Variants in MMRN2 observed in about 807,000 individuals in gnomAD.
MMRN2 encodes the protein multimerin-2.
A neutral mutation model predicts 68.8 loss-of-function variants in MMRN2; 53 were observed. The ratio of observed to expected loss-of-function variants is 0.77; its 90% CI spans 0.62 to 0.97. The LOEUF (loss-of-function observed/expected upper bound fraction) is 0.97. Among genes scored for constraint, MMRN2 ranks in the 50% least tolerant of loss-of-function variants. The probability of loss-of-function intolerance (pLI) is 0.00; values close to 1 mark genes in which losing one functional copy is unlikely to be tolerated. For missense variants in MMRN2, 1,266 were observed against 1,259.5 expected (o/e 1.01, Z -0.08); for synonymous variants, 564 against 551.6 (o/e 1.02, Z -0.32).
chr10:86,947,398 C>T (rs930425831), intron 1 of MMRN2, among the ~76,000 whole-genome samples: 8 of 151,606 alleles, frequency 5.3e-5, no homozygotes, highest in Non-Finnish European at 1.2e-4. Flanking sequence ...GACGGAGTCT[C>T]GCACTGTCGC....
intron 1 of MMRN2, among the ~76,000 whole-genome samples, chr10:86,951,297 G>A (rs933461131): frequency 1.1e-4 from 17 of 152,162 alleles, no homozygotes; most frequent in Admixed American, 1.1e-3. Flanking sequence ...TTTTTCTAAG[G>A]GTACAGGTAG....
In MMRN2 at chr10:86,944,007, T is replaced by A. The variant is rs940004157; in HGVS notation, c.777A>T (p.Ile259=). ...NQSLHSLTQA[I]RNLSLDVEAN... ...CCTCCACGTCAAGAGACAGGTTTCTTATGGCCTGGGTAAGGCTGTGCAGGC... is the reference window on the plus strand; with the variant it reads ...CCTCCACGTCAAGAGACAGGTTTCTAATGGCCTGGGTAAGGCTGTGCAGGC... Residue 259 remains isoleucine (I), a synonymous_variant, in exon 6 of 7, where the codon ATA becomes ATT. Coordinates refer to ENST00000372027, the MANE Select transcript of MMRN2 (RefSeq NM_024756.3). 6.2e-7 allele frequency: 1 copy of A among 1,614,102 alleles called. No homozygotes were observed. The highest frequency in any genetic ancestry group is 8.5e-7 in the Non-Finnish European group (1 of 1,180,028).
intron 1 of MMRN2, among the ~76,000 whole-genome samples, chr10:86,946,498 TG>T (rs34311165): frequency 1.2e-4 from 19 of 152,180 alleles, no homozygotes; most frequent in Admixed American, 3.9e-4. Flanking sequence ...GCAAGGTGGT[TG>T]GGGGTCACAC....
chr10:86,944,244 C>A lies in MMRN2; in HGVS notation c.655+18G>T. ...ATGTGACCAGGCTCTTCCTCAGCCC[C>A]TAGAGCCTGCCACTCACCGTGCCCT... On this transcript the variant is annotated intron_variant, in intron 5 of 6. Coordinates refer to ENST00000372027, the MANE Select transcript of MMRN2 (RefSeq NM_024756.3). 2 of 1,600,284 alleles carry A rather than the reference C, an allele frequency of 1.2e-6. No homozygotes were observed. The highest frequency in any genetic ancestry group is 2.2e-5 in the South Asian group (2 of 89,944).
intron 1 of MMRN2, among the ~76,000 whole-genome samples, chr10:86,953,169 C>T (rs376190245): frequency 1.8e-4 from 27 of 152,088 alleles, no homozygotes; most frequent in Non-Finnish European, 2.5e-4. Flanking sequence ...TTAAAACACA[C>T]GTTTTACAAT....
chr10:86,946,689 C>A (rs931866308), intron 1 of MMRN2, among the ~76,000 whole-genome samples: 3 of 152,170 alleles, frequency 2.0e-5, no homozygotes, highest in Admixed American at 6.5e-5. Context: ...GCAGCCAGCT[C>A]CCAGAACAGA....
rs566558751 is a variant in MMRN2 at position 86,952,708 on chromosome 10, G to A, written c.164+4670C>T. Among the ~76,000 whole-genome samples the A allele has an allele frequency of 2.0e-4, 30 of 152,312 alleles. No individual in the cohort carries two copies. In the East Asian group the frequency reaches 2.9e-3, roughly 15 times the overall value. ...GGGCAAGGACAAAATCAAAAACTCC[G>A]ATAAGGGTCTACGTTCAGTGGTTCC... is the stretch of plus-strand genomic sequence containing the variant. On this transcript the variant is annotated intron_variant, in intron 1 of 6. Transcript: ENST00000372027.
chr10:86,939,461 CAAAAAAAAAAAAAAAAAAA>C lies in MMRN2; in HGVS notation c.2468-2355_2468-2337del, dbSNP rs34692290. On this transcript the variant is annotated intron_variant, in intron 6 of 6. Coordinates refer to ENST00000372027, the MANE Select transcript of MMRN2 (RefSeq NM_024756.3). ...TGAGCGAAAGGGCGAGACTCCGTCT[CAAAAAAAAAAAAAAAAAAA>C]AAAAAAAAAAAAAGATTGTGCCCAA... Among the ~76,000 whole-genome samples the C allele has an allele frequency of 1.5e-4, 11 of 74,586 alleles. 1 individual carries two copies. The highest frequency in any genetic ancestry group is 5.7e-4 in the African/African-American group (10 of 17,554). The allele number at this position is 74,586 out of a possible 152,430, so 48.9% of individuals were successfully genotyped here.
chr10:86,946,132 G>T (rs771621443), intron 1 of MMRN2, among the ~76,000 whole-genome samples: 4 of 152,244 alleles, frequency 2.6e-5, no homozygotes, highest in Non-Finnish European at 4.4e-5. Flanking sequence ...TGCAGCTGGG[G>T]CTGGAGAATC....
intron 1 of MMRN2, chr10:86,949,512 A>G (rs1844115885): frequency 6.6e-6 from 1 of 151,510 alleles, no homozygotes; most frequent in Non-Finnish European, 1.5e-5. Flanking sequence ...GCCTGGAGAC[A>G]TAGTGAGACC....
In MMRN2 at chr10:86,937,119, G is replaced by A. The variant is rs749383922; in HGVS notation, c.2474C>T (p.Pro825Leu). 6.2e-7 allele frequency: 1 copy of A among 1,614,024 alleles called. No individual in the cohort carries two copies. Among genetic ancestry groups the A allele is most frequent in the Non-Finnish European group, 8.5e-7 (1 of 1,179,916 alleles). The change falls in exon 7 of 7, where the codon CCT becomes CTT. Residue 825 changes from proline (P) to leucine (L), a missense_variant. Physicochemically the swap from Pro to Leu is moderately conservative, Grantham distance 98. Transcript: ENST00000372027. ...LGAALWEAGS[P>L]VAFYASFSEG... ...TGAAAAGCTGGCATAGAAGGCCACA[G>A]GGGATCCTGAAACATAACAGGACAG...
At chr10:86,946,366 G>C (rs933564278) in intron 1 of MMRN2, among the ~76,000 whole-genome samples, 1 of 152,198 alleles carries the variant, frequency 6.6e-6, no homozygotes, top group Non-Finnish European at 1.5e-5. Flanking sequence ...TGAGGGACCA[G>C]CTCCCTGGCC....
rs755629156 is a variant in MMRN2 at position 86,957,558 on chromosome 10, G to A, written c.-17C>T. On this transcript the variant is annotated 5_prime_UTR_variant, in exon 1 of 7. Transcript: ENST00000372027. ...CAGGATCATCTTGGTGGTGGGGCAG[G>A]CTCAGCTCACACTCAGCCTTGGCAA... 1 of 1,597,044 alleles carries A rather than the reference G, an allele frequency of 6.3e-7. No individual in the cohort carries two copies. Among genetic ancestry groups the A allele is most frequent in the South Asian group, 1.1e-5 (1 of 89,546 alleles).
In MMRN2 at chr10:86,943,767, C is replaced by T. The variant is rs569286965; in HGVS notation, c.1017G>A (p.Arg339=). The T allele has an allele frequency of 2.3e-5, 37 of 1,608,456 alleles. 1 individual carries two copies. The South Asian group carries it at 3.7e-4, about 16-fold the overall frequency. Residue 339 remains arginine, a synonymous_variant, in exon 6 of 7, where the codon AGG becomes AGA. Transcript: ENST00000372027. This position sits in a 1 kb window ranked among gnomAD's most constrained non-coding sequence, Gnocchi z 4.2. ...LQADVDTKLK[R]LHKAQEAPGT... ...CTGGGGCCTCCTGAGCCTTGTGCAG[C>T]CTCTTCAATTTGGTGTCCACATCGG...
chr10:86,949,360 A>G (rs1844112897), intron 1 of MMRN2: 1 of 152,118 alleles, frequency 6.6e-6, no homozygotes, highest in African/African-American at 2.4e-5. Flanking sequence ...CCAGTAGGAG[A>G]CTACCTGATG....
In MMRN2 at chr10:86,943,045, G is replaced by A. The variant is rs1844000620; in HGVS notation, c.1739C>T (p.Ala580Val). The A allele has an allele frequency of 4.4e-6, 6 of 1,360,418 alleles. No individual in the cohort carries two copies. The East Asian group carries it at 9.9e-5, about 22-fold the overall frequency. 84.3% of individuals were successfully genotyped at this position (1,360,418 alleles called of 1,614,324 possible). A position where few individuals can be genotyped will look rare whatever the true frequency, so the allele number is the denominator to read the frequency against. Residue 580 changes from alanine to valine, a missense_variant, in exon 6 of 7, where the codon GCG becomes GTG. Transcript: ENST00000372027. The surrounding 1 kb of genome is among the most constrained non-coding windows in gnomAD (Gnocchi z 4.2). ...ALDDEVGALK[A>V]AAAEARHEVR... ...CTCGTGGCGGGCCTCGGCCGCGGCC[G>A]CCTTCAGCGCGCCCACCTCGTCATC...
intron 1 of MMRN2, chr10:86,949,218 T>C (rs1006633729): frequency 1.3e-5 from 2 of 152,182 alleles, no homozygotes; most frequent in Non-Finnish European, 2.9e-5. Flanking sequence ...GAAAATTGCA[T>C]TCAAAATACT....
In MMRN2 at chr10:86,936,626, A is replaced by G; in HGVS notation, c.*117T>C. 1 of 1,314,518 alleles carries G rather than the reference A, an allele frequency of 7.6e-7. No homozygotes were observed. Among genetic ancestry groups the G allele is most frequent in the Non-Finnish European group, 1.1e-6 (1 of 948,120 alleles). The allele number at this position is 1,314,518 out of a possible 1,614,324, so 81.4% of individuals were successfully genotyped here. ...CACGTACACCACACCATCTTTGCAGAAGGTTTCCAGGGAAGAGACAGACCA... is the reference window on the plus strand; with the variant it reads ...CACGTACACCACACCATCTTTGCAGGAGGTTTCCAGGGAAGAGACAGACCA... On this transcript the variant is annotated 3_prime_UTR_variant, in exon 7 of 7. Coordinates refer to ENST00000372027, the MANE Select transcript of MMRN2 (RefSeq NM_024756.3).
intron 1 of MMRN2, among the ~76,000 whole-genome samples, chr10:86,948,102 T>G (rs1316336743): frequency 2.6e-5 from 4 of 151,932 alleles, no homozygotes; most frequent in Non-Finnish European, 5.9e-5. Flanking sequence ...GGCGCATGCC[T>G]GTAGTCCCAG....
Sources: allele counts gnomAD v4.1 joint callset (sites outside exome capture counted in the v4.1 genomes callset), GRCh38; gene constraint gnomAD v4.1.1; non-coding constraint Gnocchi (gnomAD v3.1); transcripts MANE v1.5; gene names NCBI Gene and HGNC (gene_info 2026-07-23, HGNC 2026-07-21).